GRM5: variants seen among roughly 807,000 people sequenced by gnomAD.
The protein encoded by GRM5 is glutamate metabotropic receptor 5.
Under a neutral mutation model 83.1 loss-of-function variants are expected in GRM5, and 19 were observed. The observed-to-expected ratio is 0.23, with a 90% CI of 0.16 to 0.34. GRM5 has a LOEUF of 0.34. Ranked by LOEUF, GRM5 falls within the 10% of genes least tolerant of loss-of-function variation. The pLI is 1.00. For synonymous variants in GRM5, 675 were observed against 633.6 expected, an observed-to-expected ratio of 1.07 and a Z score of -0.98; for missense variants, 1,160 against 1,588.3, an observed-to-expected ratio of 0.73 and a Z score of 4.58.
At chr11:88,987,868 A>C (rs1308883736) in intron 2 of GRM5, among the ~76,000 whole-genome samples, 15 of 151,278 alleles carry the variant, frequency 9.9e-5, no homozygotes, top group Non-Finnish European at 2.2e-4. Flanking sequence ...GTACATCACC[A>C]TCATCAAAGA....
intron 2 of GRM5, among the ~76,000 whole-genome samples, chr11:89,035,476 A>T (rs1222611059): frequency 2.0e-5 from 3 of 151,948 alleles, no homozygotes; most frequent in Non-Finnish European, 4.4e-5. Context: ...AGTTGAAAAG[A>T]GGGTATATAA....
intron 3 of GRM5, among the ~76,000 whole-genome samples, chr11:88,686,095 G>A (rs780217243): frequency 8.5e-5 from 13 of 152,206 alleles, no homozygotes; most frequent in Non-Finnish European, 1.3e-4. Flanking sequence ...AACACTACCC[G>A]CTGAAAGCAG....
intron 3 of GRM5, among the ~76,000 whole-genome samples, chr11:88,790,487 C>T (rs1202413805): frequency 1.3e-5 from 2 of 152,034 alleles, no homozygotes; most frequent in Non-Finnish European, 2.9e-5. Context: ...AAAATTTTAC[C>T]ATGTGAGTGT....
intron 2 of GRM5, among the ~76,000 whole-genome samples, chr11:88,977,568 A>C (rs747242001): frequency 6.6e-6 from 1 of 152,262 alleles, no homozygotes; most frequent in African/African-American, 2.4e-5. Context: ...TTAAATTTCC[A>C]AAGTATTATC....
At chr11:89,022,317 C>G (rs1225757628) in intron 2 of GRM5, among the ~76,000 whole-genome samples, 1 of 152,062 alleles carries the variant, frequency 6.6e-6, no homozygotes, top group East Asian at 1.9e-4. Flanking sequence ...TGAATATGAT[C>G]CACCACAAGG....
chr11:88,875,082 G>GTTTT (rs112725534), intron 2 of GRM5, among the ~76,000 whole-genome samples: 34 of 148,010 alleles, frequency 2.3e-4, no homozygotes, highest in East Asian at 7.9e-4. Context: ...TGAATTGACT[G>GTTTT]TTTTTTTTTT....
At chr11:88,807,536 G>T (rs1189860826) in intron 3 of GRM5, among the ~76,000 whole-genome samples, 2 of 152,104 alleles carry the variant, frequency 1.3e-5, no homozygotes, top group African/African-American at 4.8e-5. Flanking sequence ...GTGTCAGTGG[G>T]AGAATAAGAA....
chr11:88,649,472 A>C (rs1186003000), intron 4 of GRM5, among the ~76,000 whole-genome samples: 1 of 144,328 alleles, frequency 6.9e-6, no homozygotes, highest in Non-Finnish European at 1.5e-5. Flanking sequence ...CATATATACT[A>C]TATATAATTT....
chr11:88,963,295 CCTTT>C (rs560920390), intron 2 of GRM5, among the ~76,000 whole-genome samples: 5 of 152,146 alleles, frequency 3.3e-5, no homozygotes, highest in South Asian at 2.1e-4. Context: ...ATTTATTATG[CCTTT>C]CTAATAGTAA....
chr11:88,877,633 C>T (rs533944133), intron 2 of GRM5, among the ~76,000 whole-genome samples: 1 of 151,736 alleles, frequency 6.6e-6, no homozygotes, highest in Non-Finnish European at 1.5e-5. Context: ...CCAGCCTGGG[C>T]AACATGGCAA....
chr11:88,943,320 T>C (rs1311655825), intron 2 of GRM5, among the ~76,000 whole-genome samples: 2 of 152,114 alleles, frequency 1.3e-5, no homozygotes, highest in Non-Finnish European at 2.9e-5. Context: ...TCACAAAATT[T>C]ATCCAAGTCT....
At chr11:88,570,109 T>C (rs1459280636) in intron 7 of GRM5, among the ~76,000 whole-genome samples, 1 of 152,108 alleles carries the variant, frequency 6.6e-6, no homozygotes. Flanking sequence ...CCTGCTGCTG[T>C]TTTGCTTTAA....
At chr11:88,608,845 A>G (rs577410790) in intron 4 of GRM5, among the ~76,000 whole-genome samples, 5 of 151,914 alleles carry the variant, frequency 3.3e-5, no homozygotes, top group Non-Finnish European at 7.4e-5. Context: ...TTTGTTTTCT[A>G]CTCAGTGCCT....
intron 3 of GRM5, among the ~76,000 whole-genome samples, chr11:88,797,677 G>T (rs1943306354): frequency 6.6e-6 from 1 of 151,934 alleles, no homozygotes; most frequent in Non-Finnish European, 1.5e-5. Context: ...TTTAAAATAG[G>T]TTCTAAATTT....
chr11:88,960,256 A>G (rs919088681), intron 2 of GRM5, among the ~76,000 whole-genome samples: 2 of 152,192 alleles, frequency 1.3e-5, no homozygotes, highest in Admixed American at 1.3e-4. Flanking sequence ...GAATGACTGG[A>G]AGGCTGTAAA....
chr11:88,737,514 C>T (rs1034129816), intron 3 of GRM5, among the ~76,000 whole-genome samples: 2 of 152,102 alleles, frequency 1.3e-5, no homozygotes, highest in Middle Eastern at 3.4e-3. Flanking sequence ...GAAAATTGAA[C>T]CTCAGAGAGT....
intron 3 of GRM5, among the ~76,000 whole-genome samples, chr11:88,766,009 CA>C: frequency 6.6e-6 from 1 of 151,354 alleles, no homozygotes. Flanking sequence ...CACTCTGATT[CA>C]AAAAAAGGCA....
At chr11:88,779,897 C>T (rs914477780) in intron 3 of GRM5, among the ~76,000 whole-genome samples, 5 of 152,148 alleles carry the variant, frequency 3.3e-5, no homozygotes, top group Non-Finnish European at 1.5e-5. Flanking sequence ...GTCACTGGTC[C>T]CATTCCTTTT....
chr11:89,002,638 T>C (rs556174752), intron 2 of GRM5, among the ~76,000 whole-genome samples: 1 of 152,320 alleles, frequency 6.6e-6, no homozygotes, highest in East Asian at 1.9e-4. Flanking sequence ...ACAGAACCAG[T>C]AGAGATGAGT....
Sources: gnomAD v4.1 joint callset for allele counts (sites outside exome capture counted in the v4.1 genomes callset) on GRCh38, gnomAD v4.1.1 for gene constraint, MANE v1.5 for transcripts, NCBI Gene and HGNC (gene_info 2026-07-23, HGNC 2026-07-21) for gene names.